Variants in PFKP observed in about 807,000 individuals in gnomAD.
The protein encoded by PFKP is phosphofructokinase, platelet, also known as ATP-dependent 6-phosphofructokinase, platelet type.
A neutral mutation model predicts 94.3 loss-of-function variants in PFKP; 101 were observed. The ratio of observed to expected loss-of-function variants is 1.07; its 90% confidence interval spans 0.91 to 1.26. The LOEUF (loss-of-function observed/expected upper bound fraction) is 1.26, where lower values mean the gene tolerates loss of function less well. PFKP is among the 50% of genes most tolerant of loss of function. The probability of loss-of-function intolerance (pLI) is 0.00; values close to 1 mark genes in which losing one functional copy is unlikely to be tolerated. For missense variants in PFKP, 1,145 were observed against 1,103.3 expected (o/e 1.04, Z -0.53); for synonymous variants, 573 against 432.6 (o/e 1.32, Z -4.03).
chr10:3,121,281 C>CA (rs1837372001), intron 16 of PFKP, among the ~76,000 whole-genome samples: 1 of 152,198 alleles, frequency 6.6e-6, no homozygotes. Flanking sequence ...TGGTGGGTGT[C>CA]ACGGCTTTGC....
At chr10:3,069,356 C>A in intron 1 of PFKP, 1 of 1,589,140 alleles carries the variant, frequency 6.3e-7, no homozygotes, top group Non-Finnish European at 8.6e-7. Context: ...AATAGCCTGG[C>A]CCGCGTGACT....
In PFKP at chr10:3,106,562, C is replaced by G. The variant is rs553158818; in HGVS notation, c.775-652C>G. On this transcript the variant is annotated intron_variant, in intron 7 of 21. Transcript: ENST00000381125. Reference sequence around the variant, plus strand: ...GCTCCCAGTCCCAAAGAGCTCTCTTCCAGTGAGCCACAGCCGCCCTGCTCC... The same window carrying G: ...GCTCCCAGTCCCAAAGAGCTCTCTTGCAGTGAGCCACAGCCGCCCTGCTCC... Among the ~76,000 whole-genome samples, 9 of 148,574 alleles carry G rather than the reference C, an allele frequency of 6.1e-5. No individual in the cohort carries two copies. The East Asian group carries it at 1.9e-3, about 31-fold the overall frequency.
At chr10:3,109,903 A>AG (rs1836000025) in intron 10 of PFKP, among the ~76,000 whole-genome samples, 1 of 151,304 alleles carries the variant, frequency 6.6e-6, no homozygotes, top group Non-Finnish European at 1.5e-5. Flanking sequence ...CAGAGGGGGC[A>AG]GGGAGGCAGG....
intron 9 of PFKP, 147 bp downstream of exon 9, chr10:3,108,940 A>G (rs1835892703): frequency 6.0e-6 from 4 of 664,260 alleles, no homozygotes; most frequent in Non-Finnish European, 1.1e-5. Context: ...GATCCTTGAG[A>G]CCTTTGGTGT....
intron 8 of PFKP, 123 bp from the exon 9 acceptor site, chr10:3,108,578 C>T (rs1482446607): frequency 1.5e-6 from 1 of 688,760 alleles, no homozygotes; most frequent in Non-Finnish European, 2.6e-6. Context: ...TTAGAAATAA[C>T]TTTTCCCATT....
rs757922022 is a variant in PFKP at position 3,120,059 on chromosome 10, G to A, written c.1683+15G>A. On this transcript the variant is annotated intron_variant, in intron 16 of 21. Coordinates refer to ENST00000381125, the MANE Select transcript of PFKP (RefSeq NM_002627.5). ...CTATCACCGACGTAAGTCCGTGTGCGCCCTGCCAGGCGGGCGCCGGCTGAC... is the reference window on the plus strand; with the variant it reads ...CTATCACCGACGTAAGTCCGTGTGCACCCTGCCAGGCGGGCGCCGGCTGAC... 5.1e-5 allele frequency: 82 copies of A among 1,612,900 alleles called. No individual in the cohort carries two copies. The highest frequency in any genetic ancestry group is 6.4e-5 in the Non-Finnish European group (75 of 1,179,676).
chr10:3,121,360 G>T (rs111528194), intron 16 of PFKP, among the ~76,000 whole-genome samples: 32 of 152,352 alleles, frequency 2.1e-4, no homozygotes, highest in African/African-American at 7.7e-4. Flanking sequence ...CTCTTTCACA[G>T]ACTGGATTCC....
chr10:3,107,182 A>G, intron 7 of PFKP, 32 bp from the exon 8 acceptor site: 2 of 1,316,006 alleles, frequency 1.5e-6, no homozygotes, highest in Non-Finnish European at 2.2e-6. Flanking sequence ...CAGGATTAGG[A>G]ATTTGAGAGC....
At chr10:3,097,073 G>A (rs369403649) in intron 2 of PFKP, among the ~76,000 whole-genome samples, 1 of 17,440 alleles carries the variant, frequency 5.7e-5, no homozygotes, top group Non-Finnish European at 1.4e-4. Context: ...GCGAGACTCC[G>A]TCTCAAAAAA....
chr10:3,118,906 G>T (rs1837109661), intron 15 of PFKP, 37 bp downstream of exon 15: 1 of 1,505,310 alleles, frequency 6.6e-7, no homozygotes, highest in Admixed American at 1.7e-5. Context: ...TCTTGCAGGT[G>T]TGAGCCGCGC....
Position 3,109,445 on chromosome 10 carries a change from G to A in PFKP, c.1054G>A (p.Ala352Thr), listed in dbSNP as rs1564315256. 2.5e-6 allele frequency: 4 copies of A among 1,607,212 alleles called. No individual in the cohort carries two copies. Among genetic ancestry groups the A allele is most frequent in the East Asian group, 2.2e-5 (1 of 44,852 alleles). The change falls in exon 10 of 22, where the codon GCC becomes ACC. Residue 352 changes from alanine to threonine, a missense_variant. By Grantham distance (58) the Ala-to-Thr change is moderately conservative. Coordinates refer to ENST00000381125, the MANE Select transcript of PFKP (RefSeq NM_002627.5). ...ACVVSLNGNH[A>T]VRLPLMECVQ... ...CGTCGTGTCACTGAACGGGAACCAC[G>A]CCGTGCGCCTGCCGCTGATGGAGTG... is the stretch of plus-strand genomic sequence containing the variant.
chr10:3,120,177 T>TC (rs1564336263), intron 16 of PFKP, 133 bp downstream of exon 16: 1 of 746,570 alleles, frequency 1.3e-6, no homozygotes, highest in Non-Finnish European at 2.1e-6. Context: ...GTTCTTTTTT[T>TC]CCCCCAGAAA....
chr10:3,104,942 T>G, intron 5 of PFKP, 173 bp from the exon 6 acceptor site: 1 of 690,120 alleles, frequency 1.4e-6, no homozygotes, highest in Non-Finnish European at 2.6e-6. Flanking sequence ...AGCGTTTGCC[T>G]TAGTAGAAAA....
chr10:3,077,367 T>C (rs1199386127), intron 1 of PFKP, among the ~76,000 whole-genome samples: 1 of 147,490 alleles, frequency 6.8e-6, no homozygotes, highest in Non-Finnish European at 1.5e-5. Flanking sequence ...GTTCAAGCGA[T>C]TCTCCTGCCT....
chr10:3,087,343 A>C (rs1000300602), intron 2 of PFKP, among the ~76,000 whole-genome samples: 4 of 152,060 alleles, frequency 2.6e-5, no homozygotes, highest in African/African-American at 9.7e-5. Flanking sequence ...AGGCCCATCC[A>C]TGTGACTCCA....
At chr10:3,080,828 G>A (rs1182757377) in intron 1 of PFKP, among the ~76,000 whole-genome samples, 3 of 152,228 alleles carry the variant, frequency 2.0e-5, no homozygotes, top group African/African-American at 7.2e-5. Flanking sequence ...CGGGGGTAAT[G>A]TTGGGAGCAG....
intron 1 of PFKP, among the ~76,000 whole-genome samples, chr10:3,078,751 G>C (rs1475291126): frequency 2.0e-5 from 3 of 152,280 alleles, no homozygotes; most frequent in African/African-American, 4.8e-5. Context: ...AGCTCTGCAG[G>C]CTTCCTGTGA....
At chr10:3,104,165 T>G (rs1835309690) in intron 5 of PFKP, among the ~76,000 whole-genome samples, 1 of 152,234 alleles carries the variant, frequency 6.6e-6, no homozygotes, top group African/African-American at 2.4e-5. Flanking sequence ...GAAAACAGTT[T>G]ATTAGAATTT....
chr10:3,134,370 A>G (rs1838958673), intron 19 of PFKP, 113 bp from the exon 20 acceptor site: 7 of 710,140 alleles, frequency 9.9e-6, no homozygotes, highest in Non-Finnish European at 1.7e-5. Context: ...TGTTCCAACT[A>G]TAAGGACCTA....
Sources: allele counts gnomAD v4.1 joint callset (sites outside exome capture counted in the v4.1 genomes callset), GRCh38; gene constraint gnomAD v4.1.1; transcripts MANE v1.5; gene names NCBI Gene and HGNC (gene_info 2026-07-23, HGNC 2026-07-21).